The following TLL2 variants were observed in gnomAD, a reference collection of about 807,000 sequenced individuals.
TLL2 encodes the protein tolloid like 2, also known as tolloid-like protein 2.
A neutral mutation model predicts 123.0 loss-of-function variants in TLL2; 106 were observed. The ratio of observed to expected loss-of-function variants is 0.86; its 90% CI spans 0.74 to 1.01. TLL2 has a LOEUF of 1.01. Among genes scored for constraint, TLL2 ranks in the 50% least tolerant of loss-of-function variants. The pLI is 0.00. For synonymous variants in TLL2, 494 were observed against 516.8 expected (o/e 0.96, Z 0.60); for missense variants, 1,332 against 1,336.7 (o/e 1.00, Z 0.06).
In TLL2 at chr10:96,396,073, T is replaced by G. The variant is rs1470550401; in HGVS notation, c.1385-53A>C. On this transcript the variant is annotated intron_variant, in intron 11 of 20. Coordinates refer to ENST00000357947, the MANE Select transcript of TLL2 (RefSeq NM_012465.4). ...GACGGGGGCCCTGGTCAGATCTTAC[T>G]TAGGAAGGAAGGTTGGGGAGGCGGG... The G allele has an allele frequency of 9.5e-6, 15 of 1,585,416 alleles. No homozygotes were observed. In the East Asian group the frequency reaches 1.6e-4, roughly 17 times the overall value.
chr10:96,400,015 C>T (rs192795872), intron 10 of TLL2, among the ~76,000 whole-genome samples: 1 of 152,328 alleles, frequency 6.6e-6, no homozygotes, highest in Admixed American at 6.5e-5. Flanking sequence ...TTCCTAAGCA[C>T]TCTCCCCAAA....
At chr10:96,453,806 C>T (rs1026420708) in intron 2 of TLL2, among the ~76,000 whole-genome samples, 3 of 151,866 alleles carry the variant, frequency 2.0e-5, no homozygotes, top group Admixed American at 6.6e-5. Context: ...AAAAACATGC[C>T]GAAAAAATGC....
intron 2 of TLL2, among the ~76,000 whole-genome samples, chr10:96,474,740 AC>A (rs1237164172): frequency 1.3e-5 from 2 of 152,096 alleles, no homozygotes; most frequent in Non-Finnish European, 2.9e-5. Context: ...GCAATCTACA[AC>A]TGAGTGGCTT....
intron 1 of TLL2, among the ~76,000 whole-genome samples, chr10:96,497,556 C>T (rs948372326): frequency 1.3e-5 from 2 of 152,122 alleles, no homozygotes; most frequent in African/African-American, 4.8e-5. Context: ...AGAGGCTGTG[C>T]ATTTCTTCCC....
At chr10:96,450,536 G>C (rs1057152448) in intron 2 of TLL2, among the ~76,000 whole-genome samples, 1 of 152,148 alleles carries the variant, frequency 6.6e-6, no homozygotes, top group African/African-American at 2.4e-5. Context: ...GCCTCACCTT[G>C]TACTATTTTC....
At chr10:96,476,254 G>GTTGTTC (rs1847250851) in intron 2 of TLL2, among the ~76,000 whole-genome samples, 3 of 36,108 alleles carry the variant, frequency 8.3e-5, no homozygotes, top group African/African-American at 3.4e-4. Flanking sequence ...TATTTTTGTT[G>GTTGTTC]TTGTTGTTGT....
intron 10 of TLL2, among the ~76,000 whole-genome samples, chr10:96,399,440 A>C (rs1359721872): frequency 6.6e-6 from 1 of 152,196 alleles, no homozygotes; most frequent in Admixed American, 6.5e-5. Context: ...TGTGTTGTAC[A>C]TGGTTTGGGG....
chr10:96,470,076 G>A (rs980247517), intron 2 of TLL2, among the ~76,000 whole-genome samples: 5 of 152,162 alleles, frequency 3.3e-5, no homozygotes, highest in African/African-American at 1.2e-4. Flanking sequence ...TCCCCGGCTT[G>A]CAGACCTAAG....
At position 96,404,598 on chromosome 10, in the gene TLL2, C is replaced by G. The variant is rs150755065; in HGVS notation, c.1267+634G>C. Among the ~76,000 whole-genome samples, 105 of 152,230 alleles carry G rather than the reference C, an allele frequency of 6.9e-4. No homozygotes were observed. In the East Asian group the frequency reaches 0.019, roughly 28 times the overall value. On this transcript the variant is annotated intron_variant, in intron 10 of 20. Transcript: ENST00000357947. The stretch of plus-strand genomic sequence containing the variant: ...TCATTTTGGTTTGAATAATTTTGGA[C>G]ACGATATTTGGTGTTCAGTTCACCA...
chr10:96,468,634 C>G (rs1847151236), intron 2 of TLL2, among the ~76,000 whole-genome samples: 1 of 152,156 alleles, frequency 6.6e-6, no homozygotes, highest in South Asian at 2.1e-4. Flanking sequence ...TCTTGTTTGT[C>G]CCAATTTCTT....
intron 7 of TLL2, among the ~76,000 whole-genome samples, chr10:96,415,751 C>CTT (rs759595616): frequency 9.8e-6 from 1 of 102,280 alleles, no homozygotes; most frequent in African/African-American, 4.2e-5. Context: ...CTCTCTCTCT[C>CTT]TCTCTCTCTC....
intron 10 of TLL2, among the ~76,000 whole-genome samples, chr10:96,404,486 T>C (rs952391696): frequency 2.6e-5 from 4 of 152,250 alleles, no homozygotes; most frequent in African/African-American, 9.6e-5. Context: ...GTGTTATTTA[T>C]GTATATTTAT....
intron 16 of TLL2, 47 bp downstream of exon 16, chr10:96,384,540 A>T (rs1007405087): frequency 6.7e-7 from 1 of 1,484,906 alleles, no homozygotes; most frequent in African/African-American, 1.4e-5. Context: ...GAGTCTGCAA[A>T]GCCGCCTCAC....
chr10:96,511,416 C>T (rs112094873), intron 1 of TLL2, among the ~76,000 whole-genome samples: 1 of 152,336 alleles, frequency 6.6e-6, no homozygotes, highest in African/African-American at 2.4e-5. Context: ...CCACTCTTAG[C>T]ATCAGTGTAG....
chr10:96,446,166 C>A lies in TLL2; in HGVS notation c.289G>T (p.Gly97Trp). ...TVGATGHSTG[G>W]LEEQASESSP... is the part of the protein sequence containing the mutation. ...CTCTCAGATGCCTGCTCTTCAAGCC[C>A]ACCTAGAGGAATGGAGAAGAAAGAG... The change falls in exon 3 of 21, where the codon GGG becomes TGG. Residue 97 changes from glycine to tryptophan, a missense_variant and splice_region_variant. Physicochemically the swap from Gly to Trp is radical, Grantham distance 184. Coordinates refer to ENST00000357947, the MANE Select transcript of TLL2 (RefSeq NM_012465.4). The A allele has an allele frequency of 6.2e-7, 1 of 1,614,118 alleles. No individual in the cohort carries two copies. The highest frequency in any genetic ancestry group is 1.1e-5 in the South Asian group (1 of 91,076).
chr10:96,459,669 CAAAAAAAAAAAAAAAAAAAAAAAA>C (rs1165594084), intron 2 of TLL2, among the ~76,000 whole-genome samples: 4 of 24,434 alleles, frequency 1.6e-4, no homozygotes, highest in South Asian at 2.9e-3. Context: ...GATCCTGTTT[CAAAAAAAAAAAAAAAAAAAAAAAA>C]AAAAAAAAAA....
chr10:96,405,504 T>C (rs1377969706), intron 9 of TLL2, among the ~76,000 whole-genome samples, 170 bp from the exon 10 acceptor site: 1 of 152,098 alleles, frequency 6.6e-6, no homozygotes, highest in Non-Finnish European at 1.5e-5. Flanking sequence ...GGACATTAAA[T>C]AATAAACCTT....
intron 4 of TLL2, among the ~76,000 whole-genome samples, chr10:96,430,328 C>T (rs1846724972): frequency 6.6e-6 from 1 of 152,252 alleles, no homozygotes; most frequent in African/African-American, 2.4e-5. Context: ...TTCTGGCTTC[C>T]TGTTGCCTTC....
At chr10:96,447,199 C>T (rs1302867187) in intron 2 of TLL2, among the ~76,000 whole-genome samples, 2 of 152,198 alleles carry the variant, frequency 1.3e-5, no homozygotes, top group Non-Finnish European at 2.9e-5. Flanking sequence ...CTGGGCTTGT[C>T]ATGAGAGGGA....
Sources: allele counts gnomAD v4.1 joint callset (sites outside exome capture counted in the v4.1 genomes callset), GRCh38; gene constraint gnomAD v4.1.1; transcripts MANE v1.5; gene names NCBI Gene and HGNC (gene_info 2026-07-23, HGNC 2026-07-21).